Variants in ALPK2 observed in about 807,000 individuals in gnomAD.
The protein encoded by ALPK2 is alpha-protein kinase 2.
In ALPK2, 127 loss-of-function variants were observed where a neutral mutation model predicts 163.1. The ratio of observed to expected loss-of-function variants is 0.78; its 90% CI spans 0.67 to 0.90. The LOEUF (loss-of-function observed/expected upper bound fraction) is 0.90. Ranked by LOEUF, ALPK2 falls within the 40% of genes least tolerant of loss-of-function variation. The probability of loss-of-function intolerance (pLI) is 0.00; values close to 1 mark genes in which losing one functional copy is unlikely to be tolerated. For missense variants in ALPK2, 2,360 were observed against 2,589.6 expected (o/e 0.91, Z 1.92); for synonymous variants, 953 against 959.1 (o/e 0.99, Z 0.12).
intron 6 of ALPK2, among the ~76,000 whole-genome samples, chr18:58,526,189 G>A (rs536047401): frequency 2.6e-5 from 4 of 152,332 alleles, no homozygotes; most frequent in Admixed American, 2.6e-4. Flanking sequence ...AACAGCAGTG[G>A]TGATTAGCTG....
Position 58,529,236 on chromosome 18 carries a change from G to C in ALPK2, c.5356C>G (p.Pro1786Ala). 1 of 1,610,112 alleles carries C rather than the reference G, an allele frequency of 6.2e-7. No homozygotes were observed. Among genetic ancestry groups the C allele is most frequent in the African/African-American group, 1.3e-5 (1 of 74,826 alleles). ...GCTTGGATCTTTTTCAGTAATACTG[G>C]AGCTAGAAACAAGATATTTGAAGGT... ...KPSCKREGRA[P>A]VLLKKIQAEM... Residue 1786 changes from proline to alanine, a missense_variant and splice_region_variant, in exon 6 of 13, where the codon CCA becomes GCA. By Grantham distance (27) the Pro-to-Ala change is conservative. Coordinates refer to ENST00000361673, the MANE Select transcript of ALPK2 (RefSeq NM_052947.4).
chr18:58,624,186 G>A (rs2052216689), intron 1 of ALPK2, among the ~76,000 whole-genome samples: 1 of 152,214 alleles, frequency 6.6e-6, no homozygotes, highest in Non-Finnish European at 1.5e-5. Flanking sequence ...TCTCCAAAAA[G>A]TAGTTCAGGG....
chr18:58,516,738 C>G (rs917922029), intron 9 of ALPK2, among the ~76,000 whole-genome samples, 170 bp downstream of exon 9: 2 of 152,184 alleles, frequency 1.3e-5, no homozygotes, highest in African/African-American at 4.8e-5. Context: ...CAAGAAATTA[C>G]TCCCGAGAAT....
chr18:58,489,935 G>C (rs1568064243), intron 12 of ALPK2, among the ~76,000 whole-genome samples: 1 of 151,930 alleles, frequency 6.6e-6, no homozygotes, highest in Non-Finnish European at 1.5e-5. Context: ...ACAAAAATTA[G>C]CTGGGTGTGG....
At chr18:58,626,850 A>G (rs1279859674) in intron 1 of ALPK2, among the ~76,000 whole-genome samples, 1 of 151,618 alleles carries the variant, frequency 6.6e-6, no homozygotes, top group Non-Finnish European at 1.5e-5. Context: ...TACTTTATAT[A>G]GTTTATTTTA....
In ALPK2 at chr18:58,535,852, CG is replaced by C; in HGVS notation, c.4334del (p.Ala1445GlyfsTer18). On this transcript the variant is annotated frameshift_variant, in exon 5 of 13. Coordinates refer to ENST00000361673, the MANE Select transcript of ALPK2 (RefSeq NM_052947.4). ...CTTGCAAAATGGCCGGCTGGATTTC[CG>C]CTTCGTGGCCCATGTTTCCGTCATT... ...QSNDGNMGHE[A>X]EIQPAILQVP... 3 of 1,614,182 alleles carry C rather than the reference CG, an allele frequency of 1.9e-6. No individual in the cohort carries two copies. Among genetic ancestry groups the C allele is most frequent in the Non-Finnish European group, 2.5e-6 (3 of 1,180,022 alleles).
chr18:58,599,377 C>G (rs1048327306), intron 3 of ALPK2, among the ~76,000 whole-genome samples: 2 of 152,198 alleles, frequency 1.3e-5, no homozygotes, highest in African/African-American at 4.8e-5. Context: ...GGGAACCTGC[C>G]TCAGCCCTGT....
intron 11 of ALPK2, among the ~76,000 whole-genome samples, chr18:58,501,751 G>A (rs2051432324): frequency 6.6e-6 from 1 of 151,848 alleles, no homozygotes; most frequent in Non-Finnish European, 1.5e-5. Context: ...TGTAAAATGG[G>A]GATCATAATA....
chr18:58,493,096 T>A (rs1342507243), intron 12 of ALPK2, among the ~76,000 whole-genome samples: 1 of 152,162 alleles, frequency 6.6e-6, no homozygotes, highest in Non-Finnish European at 1.5e-5. Context: ...CAGGTGGCCT[T>A]CCAGGACAGA....
chr18:58,533,197 G>A (rs2144142747), intron 5 of ALPK2, among the ~76,000 whole-genome samples: 1 of 152,318 alleles, frequency 6.6e-6, no homozygotes, highest in South Asian at 2.1e-4. Flanking sequence ...AGGTTGTGCT[G>A]CAGCTGAAAT....
intron 11 of ALPK2, among the ~76,000 whole-genome samples, chr18:58,503,574 G>A (rs1050660327): frequency 4.6e-5 from 7 of 152,158 alleles, no homozygotes; most frequent in Non-Finnish European, 2.9e-5. Flanking sequence ...TAGAATGCAT[G>A]TGCAGTCTCA....
Position 58,535,008 on chromosome 18 carries a change from C to T in ALPK2, c.5179G>A (p.Val1727Ile). Residue 1727 changes from valine to isoleucine, a missense_variant, in exon 5 of 13, where the codon GTA becomes ATA. By Grantham distance (29) the Val-to-Ile change is conservative. Coordinates refer to ENST00000361673, the MANE Select transcript of ALPK2 (RefSeq NM_052947.4). ...APGSGHLAEG[V>I]KKKILSRVAA... Reference sequence around the variant, plus strand: ...ACCCTGGACAAAATTTTCTTCTTTACTCCCTCAGCTAAATGTCCACTGCCT... The same window carrying T: ...ACCCTGGACAAAATTTTCTTCTTTATTCCCTCAGCTAAATGTCCACTGCCT... The T allele has an allele frequency of 1.2e-6, 2 of 1,614,150 alleles. No homozygotes were observed. The highest frequency in any genetic ancestry group is 1.1e-5 in the South Asian group (1 of 91,080).
chr18:58,573,062 A>G lies in ALPK2; in HGVS notation c.1962+5752T>C, dbSNP rs2051894023. Among the ~76,000 whole-genome samples the G allele has an allele frequency of 5.3e-5, 8 of 152,230 alleles. No individual in the cohort carries two copies. The South Asian group carries it at 1.5e-3, about 28-fold the overall frequency. ...ACATTTCAATTAAAAAACATGTAAT[A>G]AAACCGTTTGTAAATGGTATCTAGA... On this transcript the variant is annotated intron_variant, in intron 4 of 12. Transcript: ENST00000361673.
At chr18:58,567,796 CAG>C (rs1192705997) in intron 4 of ALPK2, among the ~76,000 whole-genome samples, 2 of 152,204 alleles carry the variant, frequency 1.3e-5, no homozygotes, top group African/African-American at 4.8e-5. Context: ...TGTATTTTAA[CAG>C]AATTTCAAAT....
rs1212835404 is a variant in ALPK2 at position 58,555,967 on chromosome 18, A to G, written c.1963-17743T>C. Among the ~76,000 whole-genome samples, 3 of 152,006 alleles carry G rather than the reference A, an allele frequency of 2.0e-5. No individual in the cohort carries two copies. In the South Asian group the frequency reaches 6.2e-4, roughly 32 times the overall value. The stretch of plus-strand genomic sequence containing the variant: ...CTCCCAAGTAGCTGGGATTACAGGC[A>G]CCCGACACCACGCCTGGCTAATTTT... On this transcript the variant is annotated intron_variant, in intron 4 of 12. Coordinates refer to ENST00000361673, the MANE Select transcript of ALPK2 (RefSeq NM_052947.4).
In ALPK2 at chr18:58,529,269, A is replaced by G. The variant is rs764472478; in HGVS notation, c.5354-31T>C. Reference sequence around the variant, plus strand: ...AACAAGATATTTGAAGGTCAGTGTAACAAAAGACTTTCCCATTTCATACCA... The same window carrying G: ...AACAAGATATTTGAAGGTCAGTGTAGCAAAAGACTTTCCCATTTCATACCA... On this transcript the variant is annotated intron_variant, in intron 5 of 12. Transcript: ENST00000361673. 3.8e-6 allele frequency: 6 copies of G among 1,586,900 alleles called. No individual in the cohort carries two copies. The African/African-American group carries it at 4.1e-5, about 11-fold the overall frequency.
intron 4 of ALPK2, among the ~76,000 whole-genome samples, chr18:58,556,642 T>C (rs2051794098): frequency 6.6e-6 from 1 of 152,216 alleles, no homozygotes; most frequent in Admixed American, 6.5e-5. Context: ...GCCCTCATTA[T>C]ACCAAGGGTA....
At chr18:58,599,259 C>T (rs571946764) in intron 3 of ALPK2, among the ~76,000 whole-genome samples, 11 of 152,294 alleles carry the variant, frequency 7.2e-5, no homozygotes, top group African/African-American at 2.2e-4. Context: ...GAGGACTAAC[C>T]GGGAGTTCCT....
In ALPK2 at chr18:58,481,359, C is replaced by T. The variant is rs950700914; in HGVS notation, c.*464G>A. 3 of 171,640 alleles carry T rather than the reference C, an allele frequency of 1.7e-5. No homozygotes were observed. Among genetic ancestry groups the T allele is most frequent in the South Asian group, 1.5e-4 (1 of 6,550 alleles). The allele number at this position is 171,640 out of a possible 1,614,324, so 10.6% of individuals were successfully genotyped here. On this transcript the variant is annotated 3_prime_UTR_variant, in exon 13 of 13. Coordinates refer to ENST00000361673, the MANE Select transcript of ALPK2 (RefSeq NM_052947.4). The stretch of plus-strand genomic sequence containing the variant: ...TCCGGCAACAATAGCGTATTAGACA[C>T]CAGTGGAACAACTTGATCCAGTGAG...
Sources: gnomAD v4.1 joint callset for allele counts (sites outside exome capture counted in the v4.1 genomes callset) on GRCh38, gnomAD v4.1.1 for gene constraint, MANE v1.5 for transcripts, NCBI Gene and HGNC (gene_info 2026-07-23, HGNC 2026-07-21) for gene names.